The following CTNNA2 variants were observed in gnomAD, a reference collection of about 807,000 sequenced individuals.
CTNNA2 encodes catenin alpha 2.
A neutral mutation model predicts 101.0 loss-of-function variants in CTNNA2; 42 were observed. The observed-to-expected ratio is 0.42, with a 90% confidence interval of 0.32 to 0.54. The LOEUF is 0.54. Ranked by LOEUF, CTNNA2 falls within the 20% of genes least tolerant of loss-of-function variation. The pLI is 0.14. For synonymous variants in CTNNA2, 450 were observed against 456.4 expected (o/e 0.99, Z 0.18); for missense variants, 871 against 1,223.1 (o/e 0.71, Z 4.29).
intron 1 of CTNNA2, among the ~76,000 whole-genome samples, chr2:79,536,835 G>A (rs1673105325): frequency 6.6e-6 from 1 of 152,138 alleles, no homozygotes; most frequent in Non-Finnish European, 1.5e-5. Flanking sequence ...CCGAGTAGCT[G>A]GTGTTACAGG....
At chr2:79,368,266 A>C (rs1677793615) in intron 3 of CTNNA2, among the ~76,000 whole-genome samples, 1 of 151,954 alleles carries the variant, frequency 6.6e-6, no homozygotes, top group African/African-American at 2.4e-5. Context: ...AGCAACTAGC[A>C]CTTCCCTCTA....
At chr2:80,380,553 C>T (rs1047098034) in intron 7 of CTNNA2, among the ~76,000 whole-genome samples, 1 of 152,144 alleles carries the variant, frequency 6.6e-6, no homozygotes, top group Non-Finnish European at 1.5e-5. Context: ...TCATAAGAAT[C>T]CAGTGAAGTG....
chr2:79,942,140 A>G (rs900980695), intron 7 of CTNNA2, among the ~76,000 whole-genome samples: 2 of 152,158 alleles, frequency 1.3e-5, no homozygotes, highest in African/African-American at 4.8e-5. Flanking sequence ...TATTAATCAA[A>G]TCTTACAGGT....
chr2:79,437,476 G>GTC (rs141482582), intron 4 of CTNNA2, among the ~76,000 whole-genome samples: 1 of 152,110 alleles, frequency 6.6e-6, no homozygotes, highest in African/African-American at 2.4e-5. Flanking sequence ...GAAAGCCACA[G>GTC]TCTCTCACTC....
At chr2:80,149,523 T>G (rs958925237) in intron 7 of CTNNA2, among the ~76,000 whole-genome samples, 1 of 152,194 alleles carries the variant, frequency 6.6e-6, no homozygotes, top group African/African-American at 2.4e-5. Flanking sequence ...TCTTTCTCTA[T>G]GTCAGGGCTT....
intron 8 of CTNNA2, among the ~76,000 whole-genome samples, chr2:80,411,801 A>G (rs1559087361): frequency 6.6e-6 from 1 of 152,210 alleles, no homozygotes; most frequent in Non-Finnish European, 1.5e-5. Context: ...TAAAAGGAAT[A>G]AAATAGTAGC....
chr2:79,802,543 C>T (rs1356052355), intron 3 of CTNNA2, among the ~76,000 whole-genome samples: 1 of 152,110 alleles, frequency 6.6e-6, no homozygotes, highest in Non-Finnish European at 1.5e-5. Context: ...GCCTCTGGCC[C>T]AGATATGCGG....
chr2:79,531,640 G>T (rs898389967), intron 1 of CTNNA2, among the ~76,000 whole-genome samples: 3 of 151,776 alleles, frequency 2.0e-5, no homozygotes, highest in Non-Finnish European at 4.4e-5. Flanking sequence ...AGGTGTTATT[G>T]GATTTACAAA....
chr2:80,084,607 G>T (rs1157664451), intron 7 of CTNNA2, among the ~76,000 whole-genome samples: 1 of 152,014 alleles, frequency 6.6e-6, no homozygotes, highest in Non-Finnish European at 1.5e-5. Flanking sequence ...CTTGATTAAT[G>T]AAAGCAAATT....
intron 7 of CTNNA2, among the ~76,000 whole-genome samples, chr2:79,956,613 G>A (rs1463913885): frequency 6.6e-6 from 1 of 152,122 alleles, no homozygotes; most frequent in Non-Finnish European, 1.5e-5. Flanking sequence ...AAGCTTTAGC[G>A]ATGAGAGAGA....
intron 7 of CTNNA2, among the ~76,000 whole-genome samples, chr2:80,367,154 G>T (rs745405103): frequency 7.9e-5 from 12 of 152,100 alleles, no homozygotes; most frequent in Non-Finnish European, 1.6e-4. Context: ...TCCCTTTAGG[G>T]TAGTGGGACC....
intron 1 of CTNNA2, among the ~76,000 whole-genome samples, chr2:79,555,749 A>G (rs561334662): frequency 6.6e-6 from 1 of 152,178 alleles, no homozygotes; most frequent in African/African-American, 2.4e-5. Context: ...GATACAAGAA[A>G]TGTTCATATT....
At chr2:79,263,793 C>T (rs1674953574) in intron 2 of CTNNA2, among the ~76,000 whole-genome samples, 1 of 152,144 alleles carries the variant, frequency 6.6e-6, no homozygotes, top group Non-Finnish European at 1.5e-5. Context: ...CAGGAAGGGT[C>T]TCCCCAGATG....
At position 79,817,316 on chromosome 2, in the gene CTNNA2, CTTTTTTT is replaced by C. The variant is rs550422225; in HGVS notation, c.299-40677_299-40671del. On this transcript the variant is annotated intron_variant, in intron 3 of 18. Coordinates refer to ENST00000402739, the MANE Select transcript of CTNNA2 (RefSeq NM_001282597.3). ...TGCAGAATAATGTATTTCTCTCTCA[CTTTTTTT>C]TTTTTTTTTTTTTTTTTTTGCCATT... 1.4e-3 allele frequency among the ~76,000 whole-genome samples: 101 copies of C among 73,898 alleles called. 3 individuals carry two copies. In the South Asian group the frequency reaches 0.04, roughly 29 times the overall value. 48.5% of individuals were successfully genotyped at this position (73,898 alleles called of 152,430 possible). A position where few individuals can be genotyped will look rare whatever the true frequency, so the allele number is the denominator to read the frequency against.
At chr2:80,599,777 T>A (rs1426906974) in intron 15 of CTNNA2, among the ~76,000 whole-genome samples, 1 of 151,852 alleles carries the variant, frequency 6.6e-6, no homozygotes, top group African/African-American at 2.4e-5. Flanking sequence ...AAATTTTTTT[T>A]AATGTTTATT....
At chr2:80,110,380 T>G (rs1354654281) in intron 7 of CTNNA2, among the ~76,000 whole-genome samples, 1 of 152,236 alleles carries the variant, frequency 6.6e-6, no homozygotes, top group Non-Finnish European at 1.5e-5. Context: ...TTTTCAGTTA[T>G]GTAGCTGATC....
chr2:80,587,206 A>G (rs1349918195), intron 14 of CTNNA2, among the ~76,000 whole-genome samples: 2 of 152,186 alleles, frequency 1.3e-5, no homozygotes, highest in East Asian at 3.9e-4. Flanking sequence ...TAATAGTATC[A>G]GAATGATTAA....
At chr2:80,606,396 A>C (rs935255720) in intron 16 of CTNNA2, among the ~76,000 whole-genome samples, 3 of 122,544 alleles carry the variant, frequency 2.4e-5, no homozygotes, top group African/African-American at 9.9e-5. Flanking sequence ...ACACACACAC[A>C]CACACACACA....
At chr2:79,262,013 G>A (rs943324614) in intron 2 of CTNNA2, among the ~76,000 whole-genome samples, 5 of 152,142 alleles carry the variant, frequency 3.3e-5, no homozygotes, top group Non-Finnish European at 5.9e-5. Flanking sequence ...TCTAGACTCA[G>A]GAGCATGTCT....
Sources: allele counts gnomAD v4.1 joint callset (sites outside exome capture counted in the v4.1 genomes callset), GRCh38; gene constraint gnomAD v4.1.1; transcripts MANE v1.5; gene names NCBI Gene and HGNC (gene_info 2026-07-23, HGNC 2026-07-21).